RAP1A: variants seen among roughly 807,000 people sequenced by gnomAD.
RAP1A encodes the protein RAP1A, member of RAS oncogene family, also known as ras-related protein Rap-1A.
Under a neutral mutation model 26.4 loss-of-function variants are expected in RAP1A, and 6 were observed. The ratio of observed to expected loss-of-function variants is 0.23; its 90% CI spans 0.12 to 0.45. RAP1A has a LOEUF of 0.45. RAP1A is among the 20% of genes least tolerant of loss of function. The pLI is 0.99. For synonymous variants in RAP1A, 73 were observed against 79.4 expected (o/e 0.92, Z 0.43); for missense variants, 121 against 217.2 (o/e 0.56, Z 2.78).
intron 4 of RAP1A, among the ~76,000 whole-genome samples, chr1:111,698,371 C>A (rs1311472230): frequency 1.3e-5 from 2 of 152,084 alleles, no homozygotes; most frequent in African/African-American, 4.8e-5. Flanking sequence ...TGGGCTCAAA[C>A]AGTCTTCCTG....
chr1:111,625,391 T>C (rs920115207), intron 1 of RAP1A, among the ~76,000 whole-genome samples: 1 of 152,190 alleles, frequency 6.6e-6, no homozygotes, highest in Non-Finnish European at 1.5e-5. Flanking sequence ...AAGAACTGAA[T>C]ACAACTATTT....
At chr1:111,576,201 A>T (rs1338220879) in intron 1 of RAP1A, among the ~76,000 whole-genome samples, 1 of 152,214 alleles carries the variant, frequency 6.6e-6, no homozygotes. Flanking sequence ...ACAAGCTCCC[A>T]GTTGATTCTG....
At chr1:111,657,558 C>A (rs1484101528) in intron 1 of RAP1A, among the ~76,000 whole-genome samples, 1 of 152,072 alleles carries the variant, frequency 6.6e-6, no homozygotes, top group African/African-American at 2.4e-5. Flanking sequence ...ATCTTTCCTC[C>A]TATGTTTTCT....
chr1:111,702,159 G>A (rs1394622099), intron 4 of RAP1A, among the ~76,000 whole-genome samples: 3 of 152,148 alleles, frequency 2.0e-5, no homozygotes, highest in Non-Finnish European at 4.4e-5. Flanking sequence ...AGGAAGCCAA[G>A]GCACAACAAG....
At chr1:111,604,009 G>C (rs1040712608) in intron 1 of RAP1A, among the ~76,000 whole-genome samples, 1 of 152,210 alleles carries the variant, frequency 6.6e-6, no homozygotes, top group Non-Finnish European at 1.5e-5. Context: ...AGTTTGCAAA[G>C]ATCATTTACA....
At chr1:111,542,243 TG>T in exon 1 of RAP1A, 1 of 608,248 alleles carries the variant, frequency 1.6e-6, no homozygotes, top group Non-Finnish European at 3.1e-6. Flanking sequence ...ACGGAAACAC[TG>T]GCGGCACATA....
chr1:111,551,839 C>A (rs933669247), intron 1 of RAP1A, among the ~76,000 whole-genome samples: 3 of 152,040 alleles, frequency 2.0e-5, no homozygotes, highest in Non-Finnish European at 2.9e-5. Flanking sequence ...CTCAGCCGAG[C>A]GGTTTACAGT....
intron 1 of RAP1A, chr1:111,649,318 C>T: frequency 4.7e-6 from 2 of 427,722 alleles, no homozygotes; most frequent in Admixed American, 2.7e-5. Context: ...GGCATTGAGG[C>T]GTTGCATGGT....
At chr1:111,565,222 G>A (rs1657892132) in intron 1 of RAP1A, among the ~76,000 whole-genome samples, 1 of 152,184 alleles carries the variant, frequency 6.6e-6, no homozygotes, top group African/African-American at 2.4e-5. Context: ...GGGGGGGAGT[G>A]TGGTAGAAGA....
At chr1:111,617,835 G>C (rs1659046593), upstream of RAP1A, among the ~76,000 whole-genome samples, 2 of 151,694 alleles carry the variant, frequency 1.3e-5, no homozygotes, top group Middle Eastern at 6.8e-3. Context: ...CCTGAGGTTG[G>C]GAATTCGAGA....
intron 1 of RAP1A, among the ~76,000 whole-genome samples, chr1:111,685,393 A>G (rs1025777733): frequency 1.3e-5 from 2 of 150,942 alleles, no homozygotes; most frequent in Non-Finnish European, 2.9e-5. Flanking sequence ...AAGGGCTAAT[A>G]TCCAGAATCT....
intron 1 of RAP1A, among the ~76,000 whole-genome samples, chr1:111,562,792 C>G (rs1439061785): frequency 6.6e-6 from 1 of 152,180 alleles, no homozygotes; most frequent in Non-Finnish European, 1.5e-5. Context: ...AGACTAAAAC[C>G]AAGATTAGCT....
chr1:111,616,500 C>T (rs549071023), upstream of RAP1A, among the ~76,000 whole-genome samples: 2 of 152,292 alleles, frequency 1.3e-5, no homozygotes, highest in Admixed American at 6.5e-5. Flanking sequence ...TCCCCATGCT[C>T]AACTTTTGGA....
intron 1 of RAP1A, among the ~76,000 whole-genome samples, chr1:111,589,977 G>A (rs757421342): frequency 6.6e-6 from 1 of 151,916 alleles, no homozygotes; most frequent in Non-Finnish European, 1.5e-5. Context: ...GCCATGTTGC[G>A]CAGGCTGGTC....
At chr1:111,698,044 A>T (rs969475727) in intron 4 of RAP1A, among the ~76,000 whole-genome samples, 3 of 152,176 alleles carry the variant, frequency 2.0e-5, no homozygotes, top group Non-Finnish European at 4.4e-5. Flanking sequence ...GTTAATAATT[A>T]TAAATCATTA....
chr1:111,669,562 A>G (rs1660911970), intron 1 of RAP1A, among the ~76,000 whole-genome samples: 1 of 152,236 alleles, frequency 6.6e-6, no homozygotes, highest in Admixed American at 6.5e-5. Context: ...CAGACTACCT[A>G]GCTGCCAAAC....
At chr1:111,580,893 GA>G in intron 1 of RAP1A, among the ~76,000 whole-genome samples, 1 of 150,062 alleles carries the variant, frequency 6.7e-6, no homozygotes, top group African/African-American at 2.4e-5. Context: ...AAACAGAATA[GA>G]CCCCTAGAGA....
chr1:111,698,149 G>A (rs774925340), intron 4 of RAP1A, among the ~76,000 whole-genome samples: 1 of 152,024 alleles, frequency 6.6e-6, no homozygotes, highest in Non-Finnish European at 1.5e-5. Context: ...AATAACTGAT[G>A]GTTTCCAGTT....
At position 111,698,415 on chromosome 1, in the gene RAP1A, C is replaced by T. The variant is rs117784017; in HGVS notation, c.183+918C>T. Among the ~76,000 whole-genome samples the T allele has an allele frequency of 6.7e-3, 1,022 of 152,150 alleles. 24 individuals carry two copies. Among genetic ancestry groups the T allele is most frequent in the Admixed American group, 0.05 (770 of 15,260 alleles). On this transcript the variant is annotated intron_variant, in intron 4 of 7. Coordinates refer to ENST00000369709, the MANE Select transcript of RAP1A (RefSeq NM_002884.4). ...TCCTGGGTAGCTAGAATTAAAGGCA[C>T]GTACCACCACCCCCAGCTAATAAAA... is the stretch of plus-strand genomic sequence containing the variant.
Sources: allele counts gnomAD v4.1 joint callset (sites outside exome capture counted in the v4.1 genomes callset), GRCh38; gene constraint gnomAD v4.1.1; transcripts MANE v1.5; gene names NCBI Gene and HGNC (gene_info 2026-07-23, HGNC 2026-07-21).